The following CHSY3 variants were observed in gnomAD, a reference collection of about 807,000 sequenced individuals.
CHSY3 encodes the protein chondroitin sulfate synthase 3.
CHSY3 carries 35 observed loss-of-function variants against 67.2 expected under a neutral mutation model. The ratio of observed to expected loss-of-function variants is 0.52; its 90% confidence interval spans 0.40 to 0.69. The LOEUF (loss-of-function observed/expected upper bound fraction) is 0.69. Ranked by LOEUF, CHSY3 falls within the 30% of genes least tolerant of loss-of-function variation. CHSY3 has a pLI of 0.00. For missense variants in CHSY3, 1,069 were observed against 1,138.5 expected, an observed-to-expected ratio of 0.94 and a Z score of 0.88; for synonymous variants, 474 against 434.7, an observed-to-expected ratio of 1.09 and a Z score of -1.12.
At chr5:130,131,131 A>C (rs80345692) in intron 2 of CHSY3, among the ~76,000 whole-genome samples, 6,893 of 152,300 alleles carry the variant, frequency 0.045, 431 homozygotes, top group East Asian at 0.27. Flanking sequence ...ATATTACATT[A>C]TAGAATATCT....
chr5:129,995,600 T>C (rs1763515361), intron 2 of CHSY3, among the ~76,000 whole-genome samples: 5 of 151,732 alleles, frequency 3.3e-5, no homozygotes, highest in Admixed American at 2.6e-4. Context: ...AGTGCGCATG[T>C]ATTAAGGTTC....
intron 2 of CHSY3, among the ~76,000 whole-genome samples, chr5:130,073,338 A>G (rs541264157): frequency 6.6e-6 from 1 of 151,528 alleles, no homozygotes; most frequent in East Asian, 1.9e-4. Context: ...CTCAGGCTGG[A>G]GTGCAATGGC....
At chr5:130,161,146 C>T (rs1447440451) in intron 2 of CHSY3, among the ~76,000 whole-genome samples, 1 of 151,980 alleles carries the variant, frequency 6.6e-6, no homozygotes, top group Non-Finnish European at 1.5e-5. Context: ...CCTCATGATC[C>T]ACCCGCCTCT....
chr5:130,010,518 T>G (rs1035544072), intron 2 of CHSY3, among the ~76,000 whole-genome samples: 3 of 152,066 alleles, frequency 2.0e-5, no homozygotes, highest in Non-Finnish European at 2.9e-5. Context: ...TAAGTGCACA[T>G]TAAAAAGTTA....
chr5:130,015,575 A>C (rs1764196554), intron 2 of CHSY3, among the ~76,000 whole-genome samples: 1 of 152,242 alleles, frequency 6.6e-6, no homozygotes, highest in African/African-American at 2.4e-5. Flanking sequence ...ATTATTAAAA[A>C]GCCAAAAATT....
chr5:129,954,491 T>C (rs1325256173), intron 2 of CHSY3, among the ~76,000 whole-genome samples: 1 of 152,004 alleles, frequency 6.6e-6, no homozygotes, highest in Non-Finnish European at 1.5e-5. Context: ...ATATGAAATT[T>C]AAAGTAGTTT....
intron 2 of CHSY3, among the ~76,000 whole-genome samples, chr5:130,144,854 A>C (rs1433419466): frequency 6.6e-6 from 1 of 152,200 alleles, no homozygotes; most frequent in African/African-American, 2.4e-5. Flanking sequence ...AAAAGGTTTA[A>C]GTGGCTCACA....
intron 2 of CHSY3, among the ~76,000 whole-genome samples, chr5:130,133,517 A>G (rs1768549809): frequency 6.6e-6 from 1 of 152,084 alleles, no homozygotes; most frequent in African/African-American, 2.4e-5. Flanking sequence ...CACACCTGTA[A>G]TCCCAGCACT....
At chr5:130,081,920 T>C (rs1045008599) in intron 2 of CHSY3, among the ~76,000 whole-genome samples, 1 of 152,142 alleles carries the variant, frequency 6.6e-6, no homozygotes, top group African/African-American at 2.4e-5. Context: ...TAAATATCTG[T>C]CTCAAAGATT....
chr5:129,942,277 A>T (rs186449471), intron 2 of CHSY3, among the ~76,000 whole-genome samples: 1 of 152,208 alleles, frequency 6.6e-6, no homozygotes, highest in African/African-American at 2.4e-5. Flanking sequence ...GACAAAAAAC[A>T]GTATATAGTA....
intron 2 of CHSY3, among the ~76,000 whole-genome samples, chr5:130,167,869 T>A (rs1381654680): frequency 5.9e-5 from 9 of 152,014 alleles, no homozygotes; most frequent in African/African-American, 2.2e-4. Flanking sequence ...TATGCATGTT[T>A]CAAATAATGT....
chr5:130,031,777 C>T (rs1234091302), intron 2 of CHSY3, among the ~76,000 whole-genome samples: 1 of 152,122 alleles, frequency 6.6e-6, no homozygotes. Flanking sequence ...ATAGTATCTT[C>T]CCTCAGAAAT....
intron 2 of CHSY3, among the ~76,000 whole-genome samples, chr5:130,082,967 T>A (rs961840175): frequency 7.3e-5 from 11 of 151,622 alleles, no homozygotes; most frequent in African/African-American, 2.7e-4. Context: ...TTTACCTATA[T>A]AAAAAATCTC....
intron 2 of CHSY3, among the ~76,000 whole-genome samples, chr5:129,930,517 G>GA (rs1296866787): frequency 7.0e-6 from 1 of 142,176 alleles, no homozygotes; most frequent in Non-Finnish European, 1.5e-5. Context: ...GCGGGGGGGG[G>GA]GTATGAAGTT....
intron 2 of CHSY3, among the ~76,000 whole-genome samples, chr5:130,005,883 C>A (rs1196444717): frequency 1.3e-5 from 2 of 151,968 alleles, no homozygotes; most frequent in Non-Finnish European, 1.5e-5. Context: ...TGCCTTTGTT[C>A]TTTTTAATTT....
rs114469426 is a variant in CHSY3 at position 130,070,600 on chromosome 5, C to T, written c.1087-113629C>T. Among the ~76,000 whole-genome samples, 1,239 of 152,028 alleles carry T rather than the reference C, an allele frequency of 8.1e-3. 13 individuals carry two copies. Among genetic ancestry groups the T allele is most frequent in the Non-Finnish European group, 0.013 (903 of 67,926 alleles). ...ATTGAAATATTGAAATGGTTAAATG[C>T]GATTGGTTTTATCGGATGTTGAAAC... On this transcript the variant is annotated intron_variant, in intron 2 of 2. Coordinates refer to ENST00000305031, the MANE Select transcript of CHSY3 (RefSeq NM_175856.5).
Position 130,185,287 on chromosome 5 carries a change from A to C in CHSY3, c.2145A>C (p.Leu715=), listed in dbSNP as rs2149739458. 3 of 1,611,514 alleles carry C rather than the reference A, an allele frequency of 1.9e-6. No homozygotes were observed. Among genetic ancestry groups the C allele is most frequent in the Non-Finnish European group, 2.5e-6 (3 of 1,177,712 alleles). ...AGTTTGACAATGACACTTTGCTGCT[A>C]TTTTGTGATGTTGACTTGATCTTCA... ...SAQFDNDTLL[L]FCDVDLIFRE... is the part of the protein sequence containing the mutation. The change falls in exon 3 of 3, where the codon CTA becomes CTC. Residue 715 remains leucine, a synonymous_variant. Transcript: ENST00000305031.
At chr5:130,059,431 C>T (rs184319802) in intron 2 of CHSY3, among the ~76,000 whole-genome samples, 56 of 150,658 alleles carry the variant, frequency 3.7e-4, no homozygotes, top group African/African-American at 1.3e-3. Flanking sequence ...CTCTTTCTTC[C>T]CCCTCTCCTT....
At chr5:130,127,971 T>C (rs1768347793) in intron 2 of CHSY3, among the ~76,000 whole-genome samples, 1 of 152,152 alleles carries the variant, frequency 6.6e-6, no homozygotes, top group African/African-American at 2.4e-5. Context: ...TCACTGACAA[T>C]TTGCAACTTT....
Sources: allele counts gnomAD v4.1 joint callset (sites outside exome capture counted in the v4.1 genomes callset), GRCh38; gene constraint gnomAD v4.1.1; transcripts MANE v1.5; gene names NCBI Gene and HGNC (gene_info 2026-07-23, HGNC 2026-07-21).